Variants in ADAMTS12 observed in about 807,000 individuals in gnomAD.
ADAMTS12 encodes ADAM metallopeptidase with thrombospondin type 1 motif 12.
Under a neutral mutation model 167.8 loss-of-function variants are expected in ADAMTS12, and 118 were observed. That is an observed-to-expected ratio of 0.70 (90% CI 0.61 to 0.82). The LOEUF (loss-of-function observed/expected upper bound fraction) is 0.82, where lower values mean the gene tolerates loss of function less well. Ranked by LOEUF, ADAMTS12 falls within the 40% of genes least tolerant of loss-of-function variation. ADAMTS12 has a pLI of 0.00. For synonymous variants in ADAMTS12, 704 were observed against 716.9 expected, an observed-to-expected ratio of 0.98 and a Z score of 0.29; for missense variants, 1,916 against 1,998.8, an observed-to-expected ratio of 0.96 and a Z score of 0.79.
intron 3 of ADAMTS12, among the ~76,000 whole-genome samples, chr5:33,693,642 A>G (rs1742635217): frequency 6.6e-6 from 1 of 151,966 alleles, no homozygotes; most frequent in Non-Finnish European, 1.5e-5. Flanking sequence ...AATCCTCAAC[A>G]GACTAGGCAT....
At chr5:33,832,851 G>A (rs1748353669) in intron 2 of ADAMTS12, among the ~76,000 whole-genome samples, 1 of 152,172 alleles carries the variant, frequency 6.6e-6, no homozygotes, top group Non-Finnish European at 1.5e-5. Flanking sequence ...AGCCGTGGGA[G>A]GTAGAAACCA....
At chr5:33,849,611 ATATATGTATTG>A (rs1390536364) in intron 2 of ADAMTS12, among the ~76,000 whole-genome samples, 16 of 56,204 alleles carry the variant, frequency 2.8e-4, no homozygotes, top group African/African-American at 1.4e-3. Context: ...GCATAGCAAT[ATATATGTATTG>A]CATAGCAATA....
chr5:33,672,333 CACAT>C (rs778044988), intron 5 of ADAMTS12, among the ~76,000 whole-genome samples: 2 of 151,404 alleles, frequency 1.3e-5, no homozygotes, highest in Non-Finnish European at 2.9e-5. Context: ...CATACACACA[CACAT>C]ACATACACAC....
intron 3 of ADAMTS12, among the ~76,000 whole-genome samples, chr5:33,717,646 C>A (rs919162659): frequency 6.6e-6 from 1 of 152,128 alleles, no homozygotes; most frequent in Non-Finnish European, 1.5e-5. Flanking sequence ...AGGCCTTGAT[C>A]ACTGTGAATA....
intron 16 of ADAMTS12, among the ~76,000 whole-genome samples, chr5:33,612,825 T>C (rs1738793671): frequency 2.0e-5 from 3 of 152,222 alleles, no homozygotes; most frequent in Non-Finnish European, 2.9e-5. Context: ...ACACCACTCA[T>C]GGCTGCTGCC....
chr5:33,736,120 C>T (rs374272425), intron 3 of ADAMTS12, among the ~76,000 whole-genome samples: 41 of 150,438 alleles, frequency 2.7e-4, no homozygotes, highest in African/African-American at 8.3e-4. Flanking sequence ...TGTGGTGCAA[C>T]GGTGCGATCT....
At chr5:33,803,050 G>A (rs1282599406) in intron 2 of ADAMTS12, among the ~76,000 whole-genome samples, 1 of 152,156 alleles carries the variant, frequency 6.6e-6, no homozygotes, top group African/African-American at 2.4e-5. Context: ...AGGATGTCCA[G>A]GGAACAGCAA....
intron 5 of ADAMTS12, among the ~76,000 whole-genome samples, chr5:33,670,034 C>T (rs1313718194): frequency 2.6e-5 from 4 of 151,966 alleles, no homozygotes; most frequent in African/African-American, 4.8e-5. Context: ...AACACTTTTG[C>T]TTTGAGAGAA....
At chr5:33,727,601 G>A (rs573532131) in intron 3 of ADAMTS12, among the ~76,000 whole-genome samples, 1 of 152,282 alleles carries the variant, frequency 6.6e-6, no homozygotes, top group East Asian at 1.9e-4. Flanking sequence ...CTCTTTCCAA[G>A]CTTATTCTCT....
chr5:33,614,456 T>C (rs1185298736), intron 15 of ADAMTS12, 80 bp from the exon 16 acceptor site: 2 of 1,547,930 alleles, frequency 1.3e-6, no homozygotes, highest in African/African-American at 2.7e-5. Flanking sequence ...CCACAAAATG[T>C]CAGTCATCTA....
intron 11 of ADAMTS12, 68 bp from the exon 12 acceptor site, chr5:33,637,814 T>G: frequency 6.6e-7 from 1 of 1,522,020 alleles, no homozygotes; most frequent in Non-Finnish European, 9.0e-7. Context: ...TTAAAACTCC[T>G]CTGGTATCTG....
intron 5 of ADAMTS12, among the ~76,000 whole-genome samples, chr5:33,668,111 T>A (rs1741536706): frequency 6.6e-6 from 1 of 152,156 alleles, no homozygotes; most frequent in African/African-American, 2.4e-5. Flanking sequence ...ATTCAAAATA[T>A]CATAAGTCGA....
At chr5:33,807,485 T>C (rs1677230988) in intron 2 of ADAMTS12, among the ~76,000 whole-genome samples, 2 of 152,224 alleles carry the variant, frequency 1.3e-5, no homozygotes, top group South Asian at 4.1e-4. Flanking sequence ...GCCTATATCA[T>C]TGGGTACCTG....
chr5:33,692,351 A>G (rs1487793144), intron 3 of ADAMTS12, among the ~76,000 whole-genome samples: 2 of 152,234 alleles, frequency 1.3e-5, no homozygotes, highest in Non-Finnish European at 2.9e-5. Context: ...TATAGAAGAT[A>G]GACAATAGAA....
At chr5:33,652,591 C>G (rs1740905169) in intron 7 of ADAMTS12, among the ~76,000 whole-genome samples, 1 of 151,938 alleles carries the variant, frequency 6.6e-6, no homozygotes, top group African/African-American at 2.4e-5. Context: ...CTGTTTACTC[C>G]ACTGATTATT....
At chr5:33,835,783 AGAGTTGAGATAACT>A (rs1748484338) in intron 2 of ADAMTS12, among the ~76,000 whole-genome samples, 1 of 152,186 alleles carries the variant, frequency 6.6e-6, no homozygotes, top group African/African-American at 2.4e-5. Flanking sequence ...TCCCCATTTT[AGAGTTGAGATAACT>A]GAGGTTTAAA....
chr5:33,734,288 C>T (rs1744292045), intron 3 of ADAMTS12, among the ~76,000 whole-genome samples: 1 of 152,188 alleles, frequency 6.6e-6, no homozygotes, highest in African/African-American at 2.4e-5. Context: ...TTCTTTGGAA[C>T]AAAAGCTGCC....
rs376125699 is a variant in ADAMTS12 at position 33,534,850 on chromosome 5, G to T, written c.4589C>A (p.Ala1530Asp). 6.2e-7 allele frequency: 1 copy of T among 1,613,602 alleles called. No homozygotes were observed. Among genetic ancestry groups the T allele is most frequent in the South Asian group, 1.1e-5 (1 of 90,954 alleles). Residue 1530 changes from alanine to aspartate, a missense_variant, in exon 23 of 24, where the codon GCC becomes GAC. Ala to Asp is a moderately radical substitution (Grantham distance 126, BLOSUM62 -2). Coordinates refer to ENST00000504830, the MANE Select transcript of ADAMTS12 (RefSeq NM_030955.4). Reference sequence around the variant, plus strand: ...TCACCCACCGGCACTTTTCTTGCAGGCCTGCTGGTTGCATTTTTTGAATTC... The same window carrying T: ...TCACCCACCGGCACTTTTCTTGCAGTCCTGCTGGTTGCATTTTTTGAATTC... Reference protein sequence around the residue: ...PPEFKKCNQQACKKSADLLCT... With the variant: ...PPEFKKCNQQDCKKSADLLCT...
chr5:33,711,637 A>G (rs1743407077), intron 3 of ADAMTS12, among the ~76,000 whole-genome samples: 1 of 152,126 alleles, frequency 6.6e-6, no homozygotes, highest in Non-Finnish European at 1.5e-5. Flanking sequence ...CAAAGAAGAA[A>G]TATGTACAAT....
Sources: gnomAD v4.1 joint callset for allele counts (sites outside exome capture counted in the v4.1 genomes callset) on GRCh38, gnomAD v4.1.1 for gene constraint, MANE v1.5 for transcripts, NCBI Gene and HGNC (gene_info 2026-07-23, HGNC 2026-07-21) for gene names.